Variants in PTPRM observed in about 807,000 individuals in gnomAD.
The protein encoded by PTPRM is receptor-type tyrosine-protein phosphatase mu.
Under a neutral mutation model 186.7 loss-of-function variants are expected in PTPRM, and 47 were observed. The observed-to-expected ratio is 0.25, with a 90% CI of 0.20 to 0.32. The LOEUF (loss-of-function observed/expected upper bound fraction) is 0.32, where lower values mean the gene tolerates loss of function less well. PTPRM is among the 10% of genes least tolerant of loss of function. PTPRM has a pLI of 1.00. For missense variants in PTPRM, 1,494 were observed against 1,865.0 expected (o/e 0.80, Z 3.66); for synonymous variants, 668 against 674.9 (o/e 0.99, Z 0.16).
At chr18:8,168,290 G>C (rs1487769853) in intron 14 of PTPRM, among the ~76,000 whole-genome samples, 2 of 152,008 alleles carry the variant, frequency 1.3e-5, no homozygotes, top group African/African-American at 2.4e-5. Context: ...AAACCATTTG[G>C]TTTTCACATT....
At chr18:8,264,447 TA>T (rs111241291) in intron 19 of PTPRM, among the ~76,000 whole-genome samples, 29,132 of 151,920 alleles carry the variant, frequency 0.19, 3,055 homozygotes, top group African/African-American at 0.28. Flanking sequence ...CCTGCCCTTG[TA>T]CTAACACCTA....
intron 2 of PTPRM, among the ~76,000 whole-genome samples, chr18:7,828,137 A>C (rs920027378): frequency 6.6e-6 from 1 of 152,354 alleles, no homozygotes; most frequent in African/African-American, 2.4e-5. Context: ...TAATTAGTAA[A>C]GTCAAATGAG....
chr18:7,982,867 C>A (rs897813803), intron 7 of PTPRM, among the ~76,000 whole-genome samples: 2 of 151,950 alleles, frequency 1.3e-5, no homozygotes, highest in African/African-American at 4.8e-5. Flanking sequence ...GATGGTGTAT[C>A]TTTCTCTGAG....
At chr18:7,893,492 GGAAAC>G (rs1221711540) in intron 3 of PTPRM, among the ~76,000 whole-genome samples, 5 of 152,092 alleles carry the variant, frequency 3.3e-5, no homozygotes, top group Non-Finnish European at 5.9e-5. Flanking sequence ...ACCTGTTTGA[GGAAAC>G]AAAAATGGGG....
intron 1 of PTPRM, among the ~76,000 whole-genome samples, chr18:7,724,514 C>T (rs974787903): frequency 6.6e-6 from 1 of 152,296 alleles, no homozygotes; most frequent in Admixed American, 6.5e-5. Context: ...GTTGCTGGTA[C>T]CCGGCATTAT....
chr18:7,966,926 T>G (rs35010361), intron 7 of PTPRM, among the ~76,000 whole-genome samples: 3,621 of 117,980 alleles, frequency 0.031, 719 homozygotes, highest in South Asian at 0.07. Flanking sequence ...CAAAGCAGCC[T>G]GGAAGCTCGA....
At position 7,728,014 on chromosome 18, in the gene PTPRM, A is replaced by G. The variant is rs570515918; in HGVS notation, c.74-46135A>G. Among the ~76,000 whole-genome samples the G allele has an allele frequency of 3.9e-5, 6 of 152,296 alleles. No homozygotes were observed. The South Asian group carries it at 8.3e-4, about 21-fold the overall frequency. On this transcript the variant is annotated intron_variant, in intron 1 of 32. Coordinates refer to ENST00000580170, the MANE Select transcript of PTPRM (RefSeq NM_001105244.2). ...ACAGAATCAGTAAGTATGAATTACA[A>G]ATTTGGGATTCGGACCCAAATCTTC...
chr18:8,246,794 A>G (rs1272335307), intron 15 of PTPRM, among the ~76,000 whole-genome samples: 1 of 152,206 alleles, frequency 6.6e-6, no homozygotes, highest in Non-Finnish European at 1.5e-5. Flanking sequence ...CTGATTCTAC[A>G]CTTTAAAAAT....
In PTPRM at chr18:7,774,159, C is replaced by T. The variant is rs369728090; in HGVS notation, c.84C>T (p.Leu28=). ...TCTTTTACATTTTAGGTGGCTGCCT[C>T]TTTGATGAGCCGTATAGCACATGTG... is the stretch of plus-strand genomic sequence containing the variant. The part of the protein sequence containing the change: ...AAGETFSGGC[L]FDEPYSTCGY... The change falls in exon 2 of 33, where the codon CTC becomes CTT. Residue 28 remains leucine, a synonymous_variant. Transcript: ENST00000580170. The T allele has an allele frequency of 1.2e-5, 20 of 1,610,016 alleles. No individual in the cohort carries two copies. The highest frequency in any genetic ancestry group is 1.7e-5 in the Non-Finnish European group (20 of 1,176,872).
chr18:8,037,479 G>A (rs899036018), intron 7 of PTPRM, among the ~76,000 whole-genome samples: 1 of 152,106 alleles, frequency 6.6e-6, no homozygotes, highest in African/African-American at 2.4e-5. Flanking sequence ...CATCTTAAGT[G>A]TGAGAAGCCT....
rs141045013 is a variant in PTPRM, at chr18:8,297,151, C to T, written c.2842+696C>T. ...TCCATCCCCCACACTAAACTGCTCT[C>T]CGTCATCCATGACTGCATCAAGGCA... On this transcript the variant is annotated intron_variant, in intron 20 of 32. Coordinates refer to ENST00000580170, the MANE Select transcript of PTPRM (RefSeq NM_001105244.2). Among the ~76,000 whole-genome samples the T allele has an allele frequency of 1.0e-3, 156 of 152,310 alleles. 1 individual carries two copies. In the East Asian group the frequency reaches 0.018, roughly 18 times the overall value.
chr18:8,281,270 C>T (rs1036618906), intron 19 of PTPRM, among the ~76,000 whole-genome samples: 4 of 152,176 alleles, frequency 2.6e-5, no homozygotes, highest in African/African-American at 4.8e-5. Context: ...GTGCATTTAT[C>T]GCTACATCCT....
chr18:7,807,575 AAAG>A (rs1327480297), intron 2 of PTPRM, among the ~76,000 whole-genome samples: 14 of 152,198 alleles, frequency 9.2e-5, no homozygotes, highest in Non-Finnish European at 2.1e-4. Flanking sequence ...GGCAGCTAGA[AAAG>A]AAGGTGTGTC....
intron 14 of PTPRM, among the ~76,000 whole-genome samples, chr18:8,171,553 T>A (rs1380950550): frequency 2.0e-5 from 3 of 152,106 alleles, no homozygotes; most frequent in African/African-American, 7.2e-5. Flanking sequence ...AGAGAAAACA[T>A]GGCAGTTTGG....
intron 1 of PTPRM, among the ~76,000 whole-genome samples, chr18:7,586,203 A>G (rs1023298623): frequency 1.3e-5 from 2 of 152,178 alleles, no homozygotes; most frequent in African/African-American, 4.8e-5. Flanking sequence ...CAGGCTTACA[A>G]TCACGCTGCA....
chr18:8,301,721 C>T lies in PTPRM; in HGVS notation c.2842+5266C>T, dbSNP rs147496515. 3.8e-3 allele frequency among the ~76,000 whole-genome samples: 578 copies of T among 152,332 alleles called. 5 individuals carry two copies. Among genetic ancestry groups the T allele is most frequent in the African/African-American group, 0.013 (530 of 41,578 alleles). On this transcript the variant is annotated intron_variant, in intron 20 of 32. Transcript: ENST00000580170. ...AGCAGACAGGATGCTATGCTGGTGT[C>T]GTGCTGCACCTTCTTGTGGGGAAGA...
intron 1 of PTPRM, among the ~76,000 whole-genome samples, chr18:7,724,934 C>T (rs983507812): frequency 2.6e-5 from 4 of 152,054 alleles, no homozygotes; most frequent in Non-Finnish European, 5.9e-5. Context: ...GTTACATAAA[C>T]GGGTAGTATT....
intron 1 of PTPRM, among the ~76,000 whole-genome samples, chr18:7,635,761 A>G (rs2038297646): frequency 6.6e-6 from 1 of 152,260 alleles, no homozygotes; most frequent in South Asian, 2.1e-4. Flanking sequence ...CACTGGACAC[A>G]GAACGAGTCT....
chr18:7,572,748 C>T (rs536679740), intron 1 of PTPRM, among the ~76,000 whole-genome samples: 1 of 152,264 alleles, frequency 6.6e-6, no homozygotes, highest in East Asian at 1.9e-4. Context: ...TATAGTTTCA[C>T]TTTTTAGTGT....
Sources: allele counts gnomAD v4.1 joint callset (sites outside exome capture counted in the v4.1 genomes callset), GRCh38; gene constraint gnomAD v4.1.1; transcripts MANE v1.5; gene names NCBI Gene and HGNC (gene_info 2026-07-23, HGNC 2026-07-21).